Variants in PLCL2 observed in about 807,000 individuals in gnomAD.
PLCL2 encodes inactive phospholipase C-like protein 2.
Under a neutral mutation model 79.6 loss-of-function variants are expected in PLCL2, and 4 were observed. That is an observed-to-expected ratio of 0.05 (90% CI 0.02 to 0.11). The LOEUF (loss-of-function observed/expected upper bound fraction) is 0.11, where lower values mean the gene tolerates loss of function less well. Among genes scored for constraint, PLCL2 ranks in the 10% least tolerant of loss-of-function variants. The probability of loss-of-function intolerance (pLI) is 1.00; values close to 1 mark genes in which losing one functional copy is unlikely to be tolerated. For missense variants in PLCL2, 895 were observed against 1,291.0 expected (o/e 0.69, Z 4.70); for synonymous variants, 484 against 457.7 (o/e 1.06, Z -0.73).
intron 1 of PLCL2, among the ~76,000 whole-genome samples, chr3:16,894,205 G>T (rs1696417491): frequency 6.6e-6 from 1 of 151,982 alleles, no homozygotes; most frequent in African/African-American, 2.4e-5. Context: ...GTTTATTATT[G>T]AATAAAGGAT....
intron 1 of PLCL2, among the ~76,000 whole-genome samples, chr3:16,888,443 G>A (rs1190963813): frequency 6.6e-6 from 1 of 152,150 alleles, no homozygotes; most frequent in Non-Finnish European, 1.5e-5. Context: ...ATAAATCATG[G>A]AAATCATCAC....
At chr3:17,018,375 A>G (rs1268617864) in intron 3 of PLCL2, among the ~76,000 whole-genome samples, 1 of 152,184 alleles carries the variant, frequency 6.6e-6, no homozygotes, top group African/African-American at 2.4e-5. Flanking sequence ...CAGGGCATTT[A>G]AATGAGGCGT....
intron 5 of PLCL2, among the ~76,000 whole-genome samples, chr3:17,069,162 C>A (rs1240325159): frequency 6.6e-6 from 1 of 152,100 alleles, no homozygotes; most frequent in Admixed American, 6.6e-5. Context: ...TGCATACAAA[C>A]CCTTCTTCAT....
At chr3:17,025,830 C>T (rs138325880) in intron 3 of PLCL2, among the ~76,000 whole-genome samples, 227 of 152,214 alleles carry the variant, frequency 1.5e-3, no homozygotes, top group African/African-American at 5.2e-3. Context: ...TTTGTTGTTA[C>T]GTTACATTTG....
At chr3:17,083,287 A>T (rs1424359461) in intron 5 of PLCL2, among the ~76,000 whole-genome samples, 1 of 152,160 alleles carries the variant, frequency 6.6e-6, no homozygotes, top group East Asian at 1.9e-4. Context: ...GAGGGGAAGG[A>T]GCTAGCTACG....
chr3:16,957,448 AG>A (rs1308859397), intron 1 of PLCL2, among the ~76,000 whole-genome samples: 4 of 152,120 alleles, frequency 2.6e-5, no homozygotes, highest in Non-Finnish European at 4.4e-5. Context: ...TTTACTTCCA[AG>A]TATGTGGTCA....
intron 1 of PLCL2, among the ~76,000 whole-genome samples, chr3:16,979,703 A>G (rs1398141108): frequency 1.4e-5 from 2 of 146,316 alleles, no homozygotes; most frequent in Non-Finnish European, 3.0e-5. Context: ...TTTTCTTAGT[A>G]CAGAACAAAA....
intron 1 of PLCL2, among the ~76,000 whole-genome samples, chr3:16,969,130 T>C (rs1282844251): frequency 6.6e-6 from 1 of 152,232 alleles, no homozygotes; most frequent in African/African-American, 2.4e-5. Context: ...GATGTGTTGC[T>C]GGATTAAGTT....
chr3:16,926,016 G>A (rs1017156917), intron 1 of PLCL2, among the ~76,000 whole-genome samples: 1 of 152,124 alleles, frequency 6.6e-6, no homozygotes, highest in Non-Finnish European at 1.5e-5. Context: ...GAAAAGGAGT[G>A]GGCCATATTG....
At chr3:17,007,347 T>C (rs1023133375) in intron 1 of PLCL2, among the ~76,000 whole-genome samples, 7 of 152,226 alleles carry the variant, frequency 4.6e-5, no homozygotes, top group African/African-American at 1.7e-4. Flanking sequence ...ATTTGTTTCA[T>C]GTCCTTATGC....
At chr3:17,069,409 G>A (rs2065041209) in intron 5 of PLCL2, among the ~76,000 whole-genome samples, 2 of 152,148 alleles carry the variant, frequency 1.3e-5, no homozygotes, top group African/African-American at 4.8e-5. Context: ...AAATTTCAGA[G>A]AGGAGATCAG....
chr3:17,084,370 A>G (rs976783252), intron 5 of PLCL2, among the ~76,000 whole-genome samples: 3 of 152,218 alleles, frequency 2.0e-5, no homozygotes, highest in African/African-American at 7.2e-5. Flanking sequence ...AAGAAATGAT[A>G]CCAATTCTCT....
intron 5 of PLCL2, among the ~76,000 whole-genome samples, chr3:17,082,779 A>G (rs995486621): frequency 1.3e-5 from 2 of 152,170 alleles, no homozygotes; most frequent in African/African-American, 2.4e-5. Context: ...AAAGATCACT[A>G]AGACATAACT....
At chr3:17,074,148 A>G (rs1192046508) in intron 5 of PLCL2, among the ~76,000 whole-genome samples, 1 of 152,262 alleles carries the variant, frequency 6.6e-6, no homozygotes, top group African/African-American at 2.4e-5. Flanking sequence ...TTTCTTAAAT[A>G]ATAAAACTTG....
At position 17,090,056 on chromosome 3, in the gene PLCL2, C is replaced by G. The variant is rs1222280645; in HGVS notation, c.*144C>G. 2.2e-6 allele frequency: 3 copies of G among 1,393,562 alleles called. No homozygotes were observed. The highest frequency in any genetic ancestry group is 2.8e-6 in the Non-Finnish European group (3 of 1,072,068). 86.3% of individuals were successfully genotyped at this position (1,393,562 alleles called of 1,614,324 possible). A position where few individuals can be genotyped will look rare whatever the true frequency, so the allele number is the denominator to read the frequency against. On this transcript the variant is annotated 3_prime_UTR_variant, in exon 6 of 6. Transcript: ENST00000615277. ...AATAGCTAATTACAGTCTATTAAAACTGTGAATGTATGTAGCAATCCTGCG... is the reference window on the plus strand; with the variant it reads ...AATAGCTAATTACAGTCTATTAAAAGTGTGAATGTATGTAGCAATCCTGCG...
chr3:17,090,022 C>T lies in PLCL2; in HGVS notation c.*110C>T, dbSNP rs1484418004. 1 of 1,426,746 alleles carries T rather than the reference C, an allele frequency of 7.0e-7. No homozygotes were observed. Among genetic ancestry groups the T allele is most frequent in the Non-Finnish European group, 9.2e-7 (1 of 1,085,826 alleles). 88.4% of individuals were successfully genotyped at this position (1,426,746 alleles called of 1,614,324 possible). A position where few individuals can be genotyped will look rare whatever the true frequency, so the allele number is the denominator to read the frequency against. On this transcript the variant is annotated 3_prime_UTR_variant, in exon 6 of 6. Coordinates refer to ENST00000615277, the MANE Select transcript of PLCL2 (RefSeq NM_001144382.2). ...GAGAATAATATTCGGGATTTTAAAG[C>T]ACAACTGGAATAGCTAATTACAGTC...
At chr3:16,939,133 G>C (rs1697614160) in intron 1 of PLCL2, among the ~76,000 whole-genome samples, 1 of 152,024 alleles carries the variant, frequency 6.6e-6, no homozygotes, top group Non-Finnish European at 1.5e-5. Flanking sequence ...TCTCCCTGTA[G>C]ATAGCAAAGG....
chr3:17,080,196 T>G (rs147436160), intron 5 of PLCL2, among the ~76,000 whole-genome samples: 3 of 152,308 alleles, frequency 2.0e-5, no homozygotes, highest in East Asian at 3.9e-4. Context: ...AAAATGAGCC[T>G]AACGTCCTGT....
intron 1 of PLCL2, among the ~76,000 whole-genome samples, chr3:16,948,792 T>C (rs181230767): frequency 1.3e-5 from 2 of 152,246 alleles, no homozygotes; most frequent in African/African-American, 4.8e-5. Flanking sequence ...AGAGAGAAAA[T>C]CCCAGAGTTC....
Sources: allele counts gnomAD v4.1 joint callset (sites outside exome capture counted in the v4.1 genomes callset), GRCh38; gene constraint gnomAD v4.1.1; transcripts MANE v1.5; gene names NCBI Gene and HGNC (gene_info 2026-07-23, HGNC 2026-07-21).